The following MAML2 variants were observed in gnomAD, a reference collection of about 807,000 sequenced individuals.
MAML2 encodes mastermind like transcriptional coactivator 2, also known as mastermind-like protein 2.
Under a neutral mutation model 96.1 loss-of-function variants are expected in MAML2, and 22 were observed. The observed-to-expected ratio is 0.23, with a 90% CI of 0.16 to 0.33. MAML2 has a LOEUF of 0.33. Among genes scored for constraint, MAML2 ranks in the 10% least tolerant of loss-of-function variants. The pLI is 1.00. For missense variants in MAML2, 1,367 were observed against 1,392.4 expected (o/e 0.98, Z 0.29); for synonymous variants, 561 against 521.3 (o/e 1.08, Z -1.04).
At position 96,326,066 on chromosome 11, in the gene MAML2, CTTTG is replaced by C. The variant is rs1479184021; in HGVS notation, c.513+15313_513+15316del. Among the ~76,000 whole-genome samples the C allele has an allele frequency of 1.2e-3, 182 of 151,034 alleles. 1 individual carries two copies. The highest frequency in any genetic ancestry group is 2.0e-3 in the Non-Finnish European group (137 of 67,832). ...TATCACCGTTAAATTTCTCTTGTTC[CTTTG>C]TTTGTTTACTCTCTGTCTACCCCGC... On this transcript the variant is annotated intron_variant, in intron 1 of 4. Coordinates refer to ENST00000524717, the MANE Select transcript of MAML2 (RefSeq NM_032427.4).
chr11:96,149,143 G>A (rs2135875181), intron 1 of MAML2, among the ~76,000 whole-genome samples: 1 of 152,204 alleles, frequency 6.6e-6, no homozygotes, highest in African/African-American at 2.4e-5. Flanking sequence ...GCCAGGTGTG[G>A]TGGCTCACAC....
chr11:96,032,917 A>T (rs190036005), intron 2 of MAML2, among the ~76,000 whole-genome samples: 12 of 152,222 alleles, frequency 7.9e-5, no homozygotes, highest in Non-Finnish European at 1.5e-4. Flanking sequence ...ACAGAAATTT[A>T]TAAAGGTGAT....
At chr11:96,259,482 A>T (rs1239609610) in intron 1 of MAML2, among the ~76,000 whole-genome samples, 2 of 150,412 alleles carry the variant, frequency 1.3e-5, no homozygotes, top group Non-Finnish European at 2.9e-5. Context: ...ATCTGGAAGC[A>T]TTTATACAGA....
In MAML2 at chr11:96,341,377, G is replaced by A. The variant is rs1384187878; in HGVS notation, c.513+6C>T. On this transcript the variant is annotated splice_donor_region_variant and intron_variant, in intron 1 of 4. Coordinates refer to ENST00000524717, the MANE Select transcript of MAML2 (RefSeq NM_032427.4). Reference sequence around the variant, plus strand: ...AGCCAGAACCATGAGAAAGCCAGGTGCTTACCGCAATCAGGGCTGAGTTCC... The same window carrying A: ...AGCCAGAACCATGAGAAAGCCAGGTACTTACCGCAATCAGGGCTGAGTTCC... 5 of 1,510,652 alleles carry A rather than the reference G, an allele frequency of 3.3e-6. No individual in the cohort carries two copies. Among genetic ancestry groups the A allele is most frequent in the Non-Finnish European group, 3.6e-6 (4 of 1,123,500 alleles). 93.6% of individuals were successfully genotyped at this position (1,510,652 alleles called of 1,614,324 possible).
intron 1 of MAML2, among the ~76,000 whole-genome samples, chr11:96,127,373 G>T (rs1412877676): frequency 6.6e-6 from 1 of 152,156 alleles, no homozygotes; most frequent in Admixed American, 6.5e-5. Flanking sequence ...CTTAGGATTT[G>T]TATGACATGT....
In MAML2 at chr11:96,055,076, C is replaced by A. The variant is rs146485728; in HGVS notation, c.2139+36816G>T. On this transcript the variant is annotated intron_variant, in intron 2 of 4. Coordinates refer to ENST00000524717, the MANE Select transcript of MAML2 (RefSeq NM_032427.4). Reference sequence around the variant, plus strand: ...TCTGCTTCAAAACTCTCCTAACTTCCATTTACATTTCAGGACAAACAGGAT... The same window carrying A: ...TCTGCTTCAAAACTCTCCTAACTTCAATTTACATTTCAGGACAAACAGGAT... 3.3e-4 allele frequency among the ~76,000 whole-genome samples: 50 copies of A among 152,266 alleles called. No individual in the cohort carries two copies. The East Asian group carries it at 9.5e-3, about 29-fold the overall frequency.
chr11:96,028,857 T>C (rs11021393), intron 2 of MAML2, among the ~76,000 whole-genome samples: 5,547 of 152,268 alleles, frequency 0.036, 237 homozygotes, highest in African/African-American at 0.11. Flanking sequence ...TTCCAGGTCT[T>C]ATCAATAGTA....
chr11:96,323,496 A>AC (rs1555040153), intron 1 of MAML2, among the ~76,000 whole-genome samples: 8 of 151,166 alleles, frequency 5.3e-5, no homozygotes, highest in African/African-American at 1.9e-4. Flanking sequence ...AAAAAAAAAA[A>AC]CCCATCTGCA....
chr11:96,084,846 G>C (rs573665551), intron 2 of MAML2, among the ~76,000 whole-genome samples: 2 of 152,304 alleles, frequency 1.3e-5, no homozygotes, highest in South Asian at 4.1e-4. Context: ...TGAAATTCAT[G>C]TTTCATAAAG....
At chr11:95,991,485 A>G in intron 3 of MAML2, 35 bp downstream of exon 3, 5 of 1,593,256 alleles carry the variant, frequency 3.1e-6, no homozygotes, top group Non-Finnish European at 4.3e-6. Context: ...TTGGGTCAAC[A>G]GGTTTGTTCA....
chr11:96,025,147 C>T (rs1476787230), intron 2 of MAML2, among the ~76,000 whole-genome samples: 2 of 152,080 alleles, frequency 1.3e-5, no homozygotes, highest in Non-Finnish European at 2.9e-5. Context: ...TGAAATCAAC[C>T]TAGGTGTCTG....
At chr11:96,135,452 A>T (rs548136115) in intron 1 of MAML2, among the ~76,000 whole-genome samples, 2 of 151,140 alleles carry the variant, frequency 1.3e-5, no homozygotes, top group East Asian at 3.9e-4. Context: ...TTATTATTAC[A>T]CTTTTACAGA....
Position 96,235,837 on chromosome 11 carries a change from C to T in MAML2, c.513+105546G>A, listed in dbSNP as rs77188994. ...ATTCAGTACCGAGTAAAACCCCTTG[C>T]TGCTGTATCACAGTCATACCAGAAA... On this transcript the variant is annotated intron_variant, in intron 1 of 4. Coordinates refer to ENST00000524717, the MANE Select transcript of MAML2 (RefSeq NM_032427.4). 4.6e-3 allele frequency among the ~76,000 whole-genome samples: 708 copies of T among 152,328 alleles called. 7 individuals carry two copies. The highest frequency in any genetic ancestry group is 0.016 in the African/African-American group (677 of 41,576).
chr11:95,986,826 C>A (rs189927742), intron 3 of MAML2, among the ~76,000 whole-genome samples: 1 of 152,196 alleles, frequency 6.6e-6, no homozygotes, highest in East Asian at 1.9e-4. Context: ...GTTTGCTGTC[C>A]TCCCTTCATT....
At chr11:96,005,559 C>T (rs1858166381) in intron 2 of MAML2, among the ~76,000 whole-genome samples, 1 of 152,048 alleles carries the variant, frequency 6.6e-6, no homozygotes, top group Non-Finnish European at 1.5e-5. Context: ...GATTTTGCCT[C>T]TATAATGAAC....
intron 2 of MAML2, among the ~76,000 whole-genome samples, chr11:96,026,990 G>C (rs754579832): frequency 2.0e-5 from 3 of 151,990 alleles, no homozygotes; most frequent in Non-Finnish European, 2.9e-5. Flanking sequence ...TTCATGAATC[G>C]ATGAATAAAT....
At chr11:96,206,368 C>T (rs943922605) in intron 1 of MAML2, among the ~76,000 whole-genome samples, 3 of 152,208 alleles carry the variant, frequency 2.0e-5, no homozygotes, top group East Asian at 1.9e-4. Flanking sequence ...GAGGCCGAGG[C>T]GGGCAGATCA....
chr11:96,178,175 A>G (rs1003197729), intron 1 of MAML2, among the ~76,000 whole-genome samples: 14 of 152,070 alleles, frequency 9.2e-5, no homozygotes, highest in African/African-American at 3.1e-4. Flanking sequence ...AGTGATTAGA[A>G]AAACAATAAA....
chr11:96,262,593 G>A (rs951508746), intron 1 of MAML2, among the ~76,000 whole-genome samples: 5 of 151,618 alleles, frequency 3.3e-5, no homozygotes, highest in South Asian at 2.1e-4. Context: ...TCAGCCTCCC[G>A]AGTAGCTGGG....
Sources: allele counts gnomAD v4.1 joint callset (sites outside exome capture counted in the v4.1 genomes callset), GRCh38; gene constraint gnomAD v4.1.1; transcripts MANE v1.5; gene names NCBI Gene and HGNC (gene_info 2026-07-23, HGNC 2026-07-21).